ANGPTL2: variants seen among roughly 807,000 people sequenced by gnomAD.
ANGPTL2 encodes the protein angiopoietin like 2, also known as angiopoietin-related protein 2.
In ANGPTL2, 25 loss-of-function variants were observed where a neutral mutation model predicts 52.8. That is an observed-to-expected ratio of 0.47 (90% CI 0.35 to 0.66). The LOEUF is 0.66. Ranked by LOEUF, ANGPTL2 falls within the 30% of genes least tolerant of loss-of-function variation. The probability of loss-of-function intolerance (pLI) is 0.01; values close to 1 mark genes in which losing one functional copy is unlikely to be tolerated. For synonymous variants in ANGPTL2, 276 were observed against 277.4 expected, an observed-to-expected ratio of 1.00 and a Z score of 0.05; for missense variants, 546 against 656.9, an observed-to-expected ratio of 0.83 and a Z score of 1.84.
chr9:127,105,753 A>G (rs1339814378), intron 2 of ANGPTL2, among the ~76,000 whole-genome samples: 1 of 152,154 alleles, frequency 6.6e-6, no homozygotes, highest in East Asian at 1.9e-4. Flanking sequence ...ACTAGAAATC[A>G]TGGGCATTGG....
chr9:127,094,362 G>C (rs1223048737), intron 2 of ANGPTL2, among the ~76,000 whole-genome samples: 1 of 152,072 alleles, frequency 6.6e-6, no homozygotes, highest in Non-Finnish European at 1.5e-5. Context: ...ACATCAGTCA[G>C]TGCCTGCAGG....
At chr9:127,103,406 G>A (rs1485947480) in intron 2 of ANGPTL2, among the ~76,000 whole-genome samples, 1 of 152,208 alleles carries the variant, frequency 6.6e-6, no homozygotes, top group African/African-American at 2.4e-5. Flanking sequence ...GGAAGGTCAT[G>A]TCTACTGACA....
chr9:127,113,166 T>C (rs1251863456), intron 1 of ANGPTL2, among the ~76,000 whole-genome samples: 1 of 152,092 alleles, frequency 6.6e-6, no homozygotes, highest in African/African-American at 2.4e-5. Flanking sequence ...TCCCAGGTAA[T>C]CCGGTGGGTT....
At chr9:127,099,429 G>A (rs1369927041) in intron 2 of ANGPTL2, among the ~76,000 whole-genome samples, 1 of 152,208 alleles carries the variant, frequency 6.6e-6, no homozygotes, top group Admixed American at 6.5e-5. Flanking sequence ...CAGGAGAAAT[G>A]ACTAACTGTT....
At chr9:127,103,610 G>C (rs1348758550) in intron 2 of ANGPTL2, among the ~76,000 whole-genome samples, 5 of 152,184 alleles carry the variant, frequency 3.3e-5, no homozygotes, top group African/African-American at 9.7e-5. Flanking sequence ...CTTTCTACTG[G>C]GGAGCTTGGC....
intron 1 of ANGPTL2, among the ~76,000 whole-genome samples, chr9:127,114,740 C>T (rs200308253): frequency 1.5e-4 from 23 of 152,348 alleles, no homozygotes; most frequent in East Asian, 9.6e-4. Flanking sequence ...GCCTGAGAAG[C>T]GGGCCTCTGC....
Position 127,108,792 on chromosome 9 carries a change from C to G in ANGPTL2, c.-49-12G>C, listed in dbSNP as rs1467663831. 2 of 1,506,906 alleles carry G rather than the reference C, an allele frequency of 1.3e-6. No individual in the cohort carries two copies. The highest frequency in any genetic ancestry group is 1.8e-6 in the Non-Finnish European group (2 of 1,121,324). The allele number at this position is 1,506,906 out of a possible 1,614,324, so 93.3% of individuals were successfully genotyped here. On this transcript the variant is annotated splice_polypyrimidine_tract_variant and intron_variant, in intron 1 of 4. Coordinates refer to ENST00000373425, the MANE Select transcript of ANGPTL2 (RefSeq NM_012098.3). ...GAATCTATGAAAGCCTGAAAGTAAA[C>G]AGAGGGGAGAATCAGTGATGGTCCC...
In ANGPTL2 at chr9:127,091,781, C is replaced by T. The variant is rs375604833; in HGVS notation, c.1171G>A (p.Glu391Lys). The T allele has an allele frequency of 6.8e-6, 11 of 1,614,060 alleles. No individual in the cohort carries two copies. The highest frequency in any genetic ancestry group is 6.7e-5 in the African/African-American group (5 of 74,930). The part of the protein sequence containing the change: ...YASFRLEPES[E>K]YYKLRLGRYH... ...CGCCCCAGCCGCAGCTTATAATACTCGCTCTCAGGTTCCAGGCGGAAACTG... is the reference window on the plus strand; with the variant it reads ...CGCCCCAGCCGCAGCTTATAATACTTGCTCTCAGGTTCCAGGCGGAAACTG... Residue 391 changes from glutamate to lysine, a missense_variant, in exon 4 of 5, where the codon GAG becomes AAG. Glu to Lys is a moderately conservative substitution (Grantham distance 56). Transcript: ENST00000373425. This position sits in a 1 kb window ranked among gnomAD's most constrained non-coding sequence, Gnocchi z 4.3.
In ANGPTL2 at chr9:127,108,480, C is replaced by T; in HGVS notation, c.252G>A (p.Val84=). The T allele has an allele frequency of 6.2e-7, 1 of 1,612,656 alleles. No individual in the cohort carries two copies. The change falls in exon 2 of 5, where the codon GTG becomes GTA. Residue 84 remains valine, a synonymous_variant. Transcript: ENST00000373425. The stretch of plus-strand genomic sequence containing the variant: ...TGAGCAGCTCTAGCTCCTGCTTATG[C>T]ACTCGGTTCTCCAGAAGCACCTCAG... The part of the protein sequence containing the change: ...KEPEVLLENR[V]HKQELELLNN...
At chr9:127,098,397 G>A (rs747090482) in intron 2 of ANGPTL2, among the ~76,000 whole-genome samples, 16 of 152,216 alleles carry the variant, frequency 1.1e-4, no homozygotes, top group South Asian at 4.1e-4. Context: ...CGAGTGCTGC[G>A]ACCTCATCTC....
chr9:127,102,067 A>T (rs779553521), intron 2 of ANGPTL2, among the ~76,000 whole-genome samples: 1 of 152,012 alleles, frequency 6.6e-6, no homozygotes, highest in African/African-American at 2.4e-5. Flanking sequence ...TGATGCGGGG[A>T]TAGTAGGAAA....
chr9:127,113,744 C>T (rs1044408205), intron 1 of ANGPTL2, among the ~76,000 whole-genome samples: 29 of 152,242 alleles, frequency 1.9e-4, no homozygotes, highest in African/African-American at 6.5e-4. Context: ...GACTGTGCCA[C>T]GTGACAGCCT....
At chr9:127,120,535 G>A (rs577870662) in intron 1 of ANGPTL2, among the ~76,000 whole-genome samples, 1 of 152,306 alleles carries the variant, frequency 6.6e-6, no homozygotes, top group South Asian at 2.1e-4. Flanking sequence ...AAAGAATTTG[G>A]GTCTCTGGCC....
chr9:127,112,228 A>AAAAC (rs1300961158), intron 1 of ANGPTL2, among the ~76,000 whole-genome samples: 1 of 152,216 alleles, frequency 6.6e-6, no homozygotes, highest in Non-Finnish European at 1.5e-5. Context: ...GGCTGCAGTG[A>AAAAC]CGTCAGTGGA....
intron 1 of ANGPTL2, among the ~76,000 whole-genome samples, chr9:127,113,978 C>T (rs1366568548): frequency 2.0e-5 from 3 of 152,344 alleles, no homozygotes; most frequent in South Asian, 4.1e-4. Context: ...CAGAAGCTGC[C>T]GGCCTGGGAT....
intron 2 of ANGPTL2, among the ~76,000 whole-genome samples, chr9:127,105,526 A>G (rs2054135661): frequency 6.6e-6 from 1 of 152,222 alleles, no homozygotes; most frequent in Admixed American, 6.5e-5. Context: ...TCAAGATGCA[A>G]CAAAGAAGTG....
Position 127,091,994 on chromosome 9 carries a change from C to G in ANGPTL2, c.1012-54G>C. On this transcript the variant is annotated intron_variant, in intron 3 of 4. Transcript: ENST00000373425. This position sits in a 1 kb window ranked among gnomAD's most constrained non-coding sequence, Gnocchi z 4.3. Reference sequence around the variant, plus strand: ...TGGAGCCTGCAGCACCTGCAGCCAGCAGGCTTGGCTGTCAGACACTCAGCC... The same window carrying G: ...TGGAGCCTGCAGCACCTGCAGCCAGGAGGCTTGGCTGTCAGACACTCAGCC... 6.3e-7 allele frequency: 1 copy of G among 1,587,720 alleles called. No homozygotes were observed. Among genetic ancestry groups the G allele is most frequent in the Non-Finnish European group, 8.6e-7 (1 of 1,165,602 alleles).
chr9:127,101,718 G>C (rs867736380), intron 2 of ANGPTL2, among the ~76,000 whole-genome samples: 1 of 152,202 alleles, frequency 6.6e-6, no homozygotes, highest in Non-Finnish European at 1.5e-5. Context: ...TTATGTCTGG[G>C]ATGGTGCCAG....
chr9:127,111,376 G>A (rs2054793582), intron 1 of ANGPTL2, among the ~76,000 whole-genome samples: 2 of 152,260 alleles, frequency 1.3e-5, no homozygotes, highest in African/African-American at 2.4e-5. Context: ...CAAGCTGCAT[G>A]ATGGTAGGGA....
Sources: allele counts gnomAD v4.1 joint callset (sites outside exome capture counted in the v4.1 genomes callset), GRCh38; gene constraint gnomAD v4.1.1; non-coding constraint Gnocchi (gnomAD v3.1); transcripts MANE v1.5; gene names NCBI Gene and HGNC (gene_info 2026-07-23, HGNC 2026-07-21).